GALNT13: variants seen among roughly 807,000 people sequenced by gnomAD.
GALNT13 encodes the protein polypeptide N-acetylgalactosaminyltransferase 13.
A neutral mutation model predicts 64.2 loss-of-function variants in GALNT13; 28 were observed. That is an observed-to-expected ratio of 0.44 (90% confidence interval 0.32 to 0.60). GALNT13 has a LOEUF of 0.60. Among genes scored for constraint, GALNT13 ranks in the 20% least tolerant of loss-of-function variants. The pLI, the probability that GALNT13 is intolerant of heterozygous loss-of-function variation, is 0.05. For missense variants in GALNT13, 577 were observed against 669.8 expected, an observed-to-expected ratio of 0.86 and a Z score of 1.53; for synonymous variants, 214 against 224.6, an observed-to-expected ratio of 0.95 and a Z score of 0.42.
At chr2:153,729,952 CAA>C in the GALNT13 span, among the ~76,000 whole-genome samples, 1 of 148,300 alleles carries the variant, frequency 6.7e-6, no homozygotes, top group African/African-American at 2.4e-5. Context: ...CAAATACATG[CAA>C]AAAAAAAATC....
chr2:153,394,115 G>C, the GALNT13 span, among the ~76,000 whole-genome samples: 2 of 152,030 alleles, frequency 1.3e-5, no homozygotes, highest in Non-Finnish European at 2.9e-5. Context: ...AAGAGCCAGT[G>C]TATGACTTGC....
At chr2:154,048,831 A>C (rs1259066623) in intron 3 of GALNT13, among the ~76,000 whole-genome samples, 1 of 152,140 alleles carries the variant, frequency 6.6e-6, no homozygotes, top group Non-Finnish European at 1.5e-5. Flanking sequence ...TAGGAGGGAG[A>C]AATTTAAATA....
chr2:153,958,575 G>A (rs1692732437), intron 3 of GALNT13, among the ~76,000 whole-genome samples: 1 of 152,050 alleles, frequency 6.6e-6, no homozygotes, highest in Admixed American at 6.5e-5. Flanking sequence ...TACCCCAGTG[G>A]TGGGTCCTCT....
the GALNT13 span, among the ~76,000 whole-genome samples, chr2:153,268,128 A>C: frequency 2.5e-4 from 38 of 152,348 alleles, no homozygotes; most frequent in South Asian, 7.9e-3. Context: ...CAAAAATCCA[A>C]GTCCAAAGTG....
chr2:153,937,238 G>T (rs1016321988), intron 2 of GALNT13, among the ~76,000 whole-genome samples: 2 of 152,176 alleles, frequency 1.3e-5, no homozygotes, highest in Admixed American at 1.3e-4. Flanking sequence ...ACACAAATGT[G>T]CATCAAGTGA....
the GALNT13 span, among the ~76,000 whole-genome samples, chr2:153,219,831 G>A: frequency 6.6e-6 from 1 of 152,210 alleles, no homozygotes; most frequent in African/African-American, 2.4e-5. Context: ...GCTCAAAGCT[G>A]AGTTATTGCT....
the GALNT13 span, among the ~76,000 whole-genome samples, chr2:153,731,054 A>G: frequency 0.4 from 60,785 of 151,562 alleles, 12,551 homozygotes; most frequent in Admixed American, 0.45. Flanking sequence ...TTGGATAAAT[A>G]AACTATTATA....
At chr2:154,015,748 C>T (rs184433720) in intron 3 of GALNT13, among the ~76,000 whole-genome samples, 194 of 152,182 alleles carry the variant, frequency 1.3e-3, no homozygotes, top group African/African-American at 4.6e-3. Flanking sequence ...TTTGAATGTT[C>T]CTAGTTGCAA....
intron 4 of GALNT13, among the ~76,000 whole-genome samples, chr2:154,144,113 T>G (rs2105591918): frequency 6.6e-6 from 1 of 152,182 alleles, no homozygotes; most frequent in Non-Finnish European, 1.5e-5. Context: ...TGAAAAAACT[T>G]TTCATTTTAT....
At chr2:154,002,093 A>G (rs1695949621) in intron 3 of GALNT13, among the ~76,000 whole-genome samples, 1 of 151,994 alleles carries the variant, frequency 6.6e-6, no homozygotes, top group South Asian at 2.1e-4. Flanking sequence ...TGCTGCTTTC[A>G]GTATTCTTTG....
chr2:154,298,608 T>TAAATTGTATATACAATGTATATA (rs1190599505), intron 8 of GALNT13, among the ~76,000 whole-genome samples: 4 of 3,868 alleles, frequency 1.0e-3, no homozygotes, highest in Non-Finnish European at 1.7e-3. Context: ...AATGTATATA[T>TAAATTGTATATACAATGTATATA]TAATTTATAT....
At chr2:153,070,024 C>G in the GALNT13 span, among the ~76,000 whole-genome samples, 1 of 152,168 alleles carries the variant, frequency 6.6e-6, no homozygotes, top group Non-Finnish European at 1.5e-5. Context: ...TACTGGTAAA[C>G]TCACTTACTC....
chr2:153,247,687 C>G, the GALNT13 span, among the ~76,000 whole-genome samples: 1 of 107,474 alleles, frequency 9.3e-6, no homozygotes, highest in African/African-American at 4.1e-5. Context: ...ATTCAAAAGC[C>G]AGCAGAATAC....
the GALNT13 span, among the ~76,000 whole-genome samples, chr2:153,380,097 A>C: frequency 6.6e-6 from 1 of 152,108 alleles, no homozygotes; most frequent in Non-Finnish European, 1.5e-5. Context: ...GCCACAAAGG[A>C]GCATACAGTT....
At chr2:154,418,509 G>A (rs1240299810) in intron 11 of GALNT13, among the ~76,000 whole-genome samples, 1 of 152,128 alleles carries the variant, frequency 6.6e-6, no homozygotes, top group Non-Finnish European at 1.5e-5. Context: ...GAGTAAAGCG[G>A]CCAATAAGCC....
chr2:153,774,731 A>C, the GALNT13 span, among the ~76,000 whole-genome samples: 10 of 152,200 alleles, frequency 6.6e-5, no homozygotes, highest in African/African-American at 2.4e-4. Context: ...CATCTTTACA[A>C]ACATTTAAAA....
At chr2:154,148,168 A>G (rs1455455788) in intron 4 of GALNT13, among the ~76,000 whole-genome samples, 1 of 151,830 alleles carries the variant, frequency 6.6e-6, no homozygotes, top group African/African-American at 2.4e-5. Flanking sequence ...GAGTGAGAAT[A>G]TGCAGTGTTT....
At chr2:153,351,635 A>G in the GALNT13 span, among the ~76,000 whole-genome samples, 1 of 152,018 alleles carries the variant, frequency 6.6e-6, no homozygotes. Flanking sequence ...TCTCTCCCCA[A>G]CCCTTGACAA....
chr2:153,253,618 C>T, the GALNT13 span, among the ~76,000 whole-genome samples: 4 of 150,646 alleles, frequency 2.7e-5, no homozygotes, highest in Non-Finnish European at 1.5e-5. Flanking sequence ...TCATAGATAG[C>T]TCTTATTATT....
Sources: gnomAD v4.1 joint callset for allele counts (sites outside exome capture counted in the v4.1 genomes callset) on GRCh38, gnomAD v4.1.1 for gene constraint, MANE v1.5 for transcripts, NCBI Gene and HGNC (gene_info 2026-07-23, HGNC 2026-07-21) for gene names.